Variants in EPB41L4A observed in about 807,000 individuals in gnomAD.
EPB41L4A encodes the protein band 4.1-like protein 4A.
A neutral mutation model predicts 108.6 loss-of-function variants in EPB41L4A; 100 were observed. The observed-to-expected ratio is 0.92, with a 90% CI of 0.78 to 1.09. EPB41L4A has a LOEUF of 1.09. Ranked by LOEUF, EPB41L4A falls within the 50% of genes least tolerant of loss-of-function variation. The probability of loss-of-function intolerance (pLI) is 0.00; values close to 1 mark genes in which losing one functional copy is unlikely to be tolerated. For synonymous variants in EPB41L4A, 319 were observed against 289.0 expected, an observed-to-expected ratio of 1.10 and a Z score of -1.05; for missense variants, 1,030 against 842.7, an observed-to-expected ratio of 1.22 and a Z score of -2.75.
intron 2 of EPB41L4A, among the ~76,000 whole-genome samples, chr5:112,283,347 T>C (rs944823749): frequency 1.8e-4 from 28 of 152,138 alleles, no homozygotes; most frequent in African/African-American, 6.5e-4. Context: ...AGTCACCAGG[T>C]TTCAGAAGCC....
intron 1 of EPB41L4A, among the ~76,000 whole-genome samples, chr5:112,381,451 C>T (rs1760169623): frequency 6.6e-6 from 1 of 152,248 alleles, no homozygotes; most frequent in Non-Finnish European, 1.5e-5. Flanking sequence ...TTACTGAAAG[C>T]AGCAGGATTT....
At position 112,193,302 on chromosome 5, in the gene EPB41L4A, T is replaced by G. The variant is rs912872137; in HGVS notation, c.1502+1266A>C. ...TCCTCACTTTTCTTTCTTTCTTTCT[T>G]TCTTTTTTTTTCTATATGAGATGAA... On this transcript the variant is annotated intron_variant, in intron 17 of 22. Coordinates refer to ENST00000261486, the MANE Select transcript of EPB41L4A (RefSeq NM_022140.5). Among the ~76,000 whole-genome samples the G allele has an allele frequency of 2.6e-5, 4 of 152,340 alleles. No homozygotes were observed. The East Asian group carries it at 5.8e-4, about 22-fold the overall frequency.
At chr5:112,409,267 T>C (rs1428553938) in intron 1 of EPB41L4A, among the ~76,000 whole-genome samples, 1 of 152,180 alleles carries the variant, frequency 6.6e-6, no homozygotes, top group Admixed American at 6.5e-5. Context: ...TTATATGAAA[T>C]GTCCCGAATA....
chr5:112,404,620 A>T (rs1282541215), intron 1 of EPB41L4A, among the ~76,000 whole-genome samples: 1 of 152,200 alleles, frequency 6.6e-6, no homozygotes, highest in Non-Finnish European at 1.5e-5. Context: ...CGGAGTCTAT[A>T]TTCTCTCCTT....
At chr5:112,300,101 C>A (rs548220052) in intron 2 of EPB41L4A, among the ~76,000 whole-genome samples, 2 of 152,280 alleles carry the variant, frequency 1.3e-5, no homozygotes, top group East Asian at 3.9e-4. Context: ...ATCCATTCTG[C>A]AATTCTGTAT....
At chr5:112,253,118 A>G (rs1036761951) in intron 9 of EPB41L4A, among the ~76,000 whole-genome samples, 1 of 152,178 alleles carries the variant, frequency 6.6e-6, no homozygotes, top group Admixed American at 6.6e-5. Flanking sequence ...GCATTGATTT[A>G]AAGTATCTCC....
intron 17 of EPB41L4A, among the ~76,000 whole-genome samples, chr5:112,190,278 C>T (rs1761629896): frequency 6.6e-6 from 1 of 152,110 alleles, no homozygotes; most frequent in Admixed American, 6.5e-5. Context: ...TAATCCTTCA[C>T]TATTTAGATG....
In EPB41L4A at chr5:112,352,160, G is replaced by T. The variant is rs1020242603; in HGVS notation, c.100-44670C>A. Among the ~76,000 whole-genome samples the T allele has an allele frequency of 4.0e-5, 6 of 151,848 alleles. No homozygotes were observed. The South Asian group carries it at 1.3e-3, about 32-fold the overall frequency. On this transcript the variant is annotated intron_variant, in intron 1 of 22. Coordinates refer to ENST00000261486, the MANE Select transcript of EPB41L4A (RefSeq NM_022140.5). ...TTCTGCTCTGATCTTTCTTTCCTTC[G>T]ACTCATTTTGGGTTCGGTTTGTTCT...
chr5:112,175,034 G>C (rs942790379), intron 18 of EPB41L4A, among the ~76,000 whole-genome samples: 1 of 152,154 alleles, frequency 6.6e-6, no homozygotes, highest in Non-Finnish European at 1.5e-5. Context: ...AGGCACTTCC[G>C]GGTTGGGGGT....
chr5:112,154,439 A>G (rs1026383204), intron 12 of EPB41L4A, among the ~76,000 whole-genome samples: 10 of 152,244 alleles, frequency 6.6e-5, no homozygotes, highest in African/African-American at 2.4e-4. Flanking sequence ...GATATTTAAC[A>G]TTCAATAATT....
chr5:112,239,726 T>C lies in EPB41L4A; in HGVS notation c.899A>G (p.Asn300Ser), dbSNP rs1749636253. 6 of 1,607,700 alleles carry C rather than the reference T, an allele frequency of 3.7e-6. No homozygotes were observed. The East Asian group carries it at 9.0e-5, about 24-fold the overall frequency. ...TTTTCTTGACAGTGAATTGGATTCATTTTCTGGCATTCTAATCAATTTTTA... is the reference window on the plus strand; with the variant it reads ...TTTTCTTGACAGTGAATTGGATTCACTTTCTGGCATTCTAATCAATTTTTA... ...EHHTFFRMPE[N>S]ESNSLSRKLS... The change falls in exon 11 of 23, where the codon AAT (asparagine) becomes AGT (serine). Residue 300 changes from asparagine (N) to serine (S), a missense_variant. Physicochemically the swap from Asn to Ser is conservative, Grantham distance 46. Transcript: ENST00000261486.
At chr5:112,295,230 C>T (rs1608652) in intron 2 of EPB41L4A, among the ~76,000 whole-genome samples, 5,040 of 152,200 alleles carry the variant, frequency 0.033, 454 homozygotes, top group East Asian at 0.33. Context: ...TGGTGACTGG[C>T]TATGAGGAGA....
At chr5:112,363,742 AAAT>A (rs148515084) in intron 1 of EPB41L4A, 91,014 of 151,718 alleles carry the variant, frequency 0.6, 28,545 homozygotes, top group South Asian at 0.77. Flanking sequence ...TTAAATTTTT[AAAT>A]ATTAAGTTTA....
chr5:112,321,620 A>G (rs1215460025), intron 1 of EPB41L4A, among the ~76,000 whole-genome samples: 2 of 152,202 alleles, frequency 1.3e-5, no homozygotes, highest in Non-Finnish European at 2.9e-5. Flanking sequence ...GCTTCAAGTT[A>G]CTCATTTGGG....
intron 1 of EPB41L4A, among the ~76,000 whole-genome samples, chr5:112,398,086 A>C (rs1482616032): frequency 6.6e-6 from 1 of 152,212 alleles, no homozygotes; most frequent in East Asian, 1.9e-4. Flanking sequence ...TGCATAAAAC[A>C]AGCTGGCGAA....
At chr5:112,162,293 A>T (rs1282480702), downstream of EPB41L4A, 1 of 152,210 alleles carries the variant, frequency 6.6e-6, no homozygotes, top group East Asian at 1.9e-4. Context: ...GGATGTGAAT[A>T]AATATATTAA....
At chr5:112,298,193 A>G (rs1365100552) in intron 2 of EPB41L4A, among the ~76,000 whole-genome samples, 2 of 152,118 alleles carry the variant, frequency 1.3e-5, no homozygotes, top group East Asian at 3.8e-4. Context: ...TGGAAATTGT[A>G]ATGAATTTAT....
At chr5:112,239,857 C>A in intron 10 of EPB41L4A, 120 bp from the exon 11 acceptor site, 1 of 518,998 alleles carries the variant, frequency 1.9e-6, no homozygotes, top group Non-Finnish European at 3.4e-6. Flanking sequence ...AATACTTCTC[C>A]AACATCATGC....
chr5:112,373,246 C>T (rs555901810), intron 1 of EPB41L4A, among the ~76,000 whole-genome samples: 1 of 152,260 alleles, frequency 6.6e-6, no homozygotes, highest in South Asian at 2.1e-4. Flanking sequence ...AGGGATGGGA[C>T]AAGACCCCAG....
Sources: allele counts gnomAD v4.1 joint callset (sites outside exome capture counted in the v4.1 genomes callset), GRCh38; gene constraint gnomAD v4.1.1; transcripts MANE v1.5; gene names NCBI Gene and HGNC (gene_info 2026-07-23, HGNC 2026-07-21).